The following CADPS variants were observed in gnomAD, a reference collection of about 807,000 sequenced individuals.
CADPS encodes the protein calcium-dependent secretion activator 1.
CADPS carries 57 observed loss-of-function variants against 167.3 expected under a neutral mutation model. That is an observed-to-expected ratio of 0.34 (90% confidence interval 0.28 to 0.42). The LOEUF (loss-of-function observed/expected upper bound fraction) is 0.42, where lower values mean the gene tolerates loss of function less well. CADPS is among the 20% of genes least tolerant of loss of function. CADPS has a pLI of 1.00. For missense variants in CADPS, 1,414 were observed against 1,738.1 expected (o/e 0.81, Z 3.32); for synonymous variants, 676 against 635.3 (o/e 1.06, Z -0.96).
intron 1 of CADPS, among the ~76,000 whole-genome samples, chr3:62,817,891 C>T (rs924507624): frequency 6.6e-6 from 1 of 152,098 alleles, no homozygotes; most frequent in Non-Finnish European, 1.5e-5. Context: ...GTCTATATTA[C>T]CACATTTCCC....
At chr3:62,807,741 A>T (rs1237877175) in intron 1 of CADPS, among the ~76,000 whole-genome samples, 1 of 151,704 alleles carries the variant, frequency 6.6e-6, no homozygotes, top group Non-Finnish European at 1.5e-5. Flanking sequence ...TGCCACAGTG[A>T]TTTTTTTCAT....
At chr3:62,442,418 T>C (rs1576115002) in intron 27 of CADPS, among the ~76,000 whole-genome samples, 1 of 152,018 alleles carries the variant, frequency 6.6e-6, no homozygotes, top group African/African-American at 2.4e-5. Context: ...GGAGTTTCAC[T>C]ATGTTGGCCA....
chr3:62,481,611 T>C, intron 22 of CADPS, 112 bp downstream of exon 22: 2 of 987,670 alleles, frequency 2.0e-6, no homozygotes, highest in Non-Finnish European at 2.9e-6. Context: ...GCAAAATATG[T>C]CTAATTATCC....
At chr3:62,554,855 C>A (rs937230977) in intron 10 of CADPS, among the ~76,000 whole-genome samples, 1 of 152,082 alleles carries the variant, frequency 6.6e-6, no homozygotes, top group Admixed American at 6.6e-5. Context: ...CAGGTTCAAG[C>A]GATTCTCCTG....
At chr3:62,530,167 T>C (rs2073328342) in intron 13 of CADPS, among the ~76,000 whole-genome samples, 1 of 152,224 alleles carries the variant, frequency 6.6e-6, no homozygotes, top group Admixed American at 6.5e-5. Flanking sequence ...TAAATCATTA[T>C]TTGAGATGAA....
intron 17 of CADPS, among the ~76,000 whole-genome samples, chr3:62,501,050 A>G (rs2065689513): frequency 6.6e-6 from 1 of 152,190 alleles, no homozygotes; most frequent in Non-Finnish European, 1.5e-5. Flanking sequence ...ATTCAAGTCA[A>G]TGGAAAGCTC....
At chr3:62,550,731 G>A in intron 10 of CADPS, 1 of 448,474 alleles carries the variant, frequency 2.2e-6, no homozygotes, top group Non-Finnish European at 4.5e-6. Context: ...TCAGGCTGCT[G>A]CCCCACTGAA....
At chr3:62,593,605 C>T (rs1179128896) in intron 6 of CADPS, among the ~76,000 whole-genome samples, 1 of 152,174 alleles carries the variant, frequency 6.6e-6, no homozygotes. Flanking sequence ...TGGACCCCTA[C>T]CTATGGACTG....
At chr3:62,573,638 A>G (rs1159251955) in intron 8 of CADPS, among the ~76,000 whole-genome samples, 1 of 152,224 alleles carries the variant, frequency 6.6e-6, no homozygotes, top group Non-Finnish European at 1.5e-5. Context: ...GTAACTTGGT[A>G]CAACCTATGC....
chr3:62,704,707 T>C (rs1542964), intron 3 of CADPS, among the ~76,000 whole-genome samples: 150,017 of 152,220 alleles, frequency 0.99, 73,965 homozygotes, highest in Middle Eastern at 1. Flanking sequence ...ATAACATCAG[T>C]CAGCCATAGC....
intron 8 of CADPS, among the ~76,000 whole-genome samples, chr3:62,571,370 G>C (rs2081257147): frequency 6.6e-6 from 1 of 152,098 alleles, no homozygotes; most frequent in Admixed American, 6.5e-5. Context: ...GTGTATTACA[G>C]GGAGGAATGC....
chr3:62,534,490 A>G (rs970132966), intron 12 of CADPS, among the ~76,000 whole-genome samples: 1 of 152,208 alleles, frequency 6.6e-6, no homozygotes, highest in African/African-American at 2.4e-5. Flanking sequence ...GGCTGCCCCT[A>G]TAGGCAACTT....
intron 3 of CADPS, among the ~76,000 whole-genome samples, chr3:62,707,407 G>A (rs2082524577): frequency 1.3e-5 from 2 of 151,980 alleles, no homozygotes; most frequent in Admixed American, 1.3e-4. Flanking sequence ...TGTTTTAGGG[G>A]GACAAAATTC....
chr3:62,740,705 C>G (rs1006479400), intron 3 of CADPS, among the ~76,000 whole-genome samples: 3 of 152,198 alleles, frequency 2.0e-5, no homozygotes, highest in Non-Finnish European at 2.9e-5. Flanking sequence ...ATGCCCCCTA[C>G]TACCCCTATC....
chr3:62,585,147 G>A (rs773801457), intron 8 of CADPS, 38 bp downstream of exon 8: 29 of 1,600,230 alleles, frequency 1.8e-5, no homozygotes, highest in South Asian at 5.5e-5. Flanking sequence ...ATGAACAGAC[G>A]TGTGTCCAAA....
intron 3 of CADPS, among the ~76,000 whole-genome samples, chr3:62,714,741 T>C (rs2084083519): frequency 6.6e-6 from 1 of 152,178 alleles, no homozygotes; most frequent in Admixed American, 6.5e-5. Flanking sequence ...AAAATATTAC[T>C]GTCATTTTAA....
At chr3:62,728,634 A>G (rs527930) in intron 3 of CADPS, among the ~76,000 whole-genome samples, 74,428 of 151,646 alleles carry the variant, frequency 0.49, 20,544 homozygotes, top group African/African-American at 0.73. Flanking sequence ...TGTTCTCTTA[A>G]TGATAATAAC....
At chr3:62,427,583 C>T (rs893216021) in intron 28 of CADPS, among the ~76,000 whole-genome samples, 6 of 152,084 alleles carry the variant, frequency 3.9e-5, no homozygotes, top group African/African-American at 7.2e-5. Flanking sequence ...CCCCAACCCC[C>T]GAGTTGTAGC....
Position 62,435,171 on chromosome 3 carries a change from A to G in CADPS, c.3777+2933T>C, listed in dbSNP as rs147837707. Among the ~76,000 whole-genome samples the G allele has an allele frequency of 3.5e-4, 54 of 152,342 alleles. 4 individuals carry two copies. In the East Asian group the frequency reaches 0.01, roughly 29 times the overall value. ...AGTCTTTCTCAATAGGTTTCTGCCA[A>G]TTGTTTAGAAACTTGCCCCAGGACC... On this transcript the variant is annotated intron_variant, in intron 28 of 29. Coordinates refer to ENST00000383710, the MANE Select transcript of CADPS (RefSeq NM_003716.4).
Sources: gnomAD v4.1 joint callset for allele counts (sites outside exome capture counted in the v4.1 genomes callset) on GRCh38, gnomAD v4.1.1 for gene constraint, MANE v1.5 for transcripts, NCBI Gene and HGNC (gene_info 2026-07-23, HGNC 2026-07-21) for gene names.